Variants in ZNF83 observed in about 807,000 individuals in gnomAD.
ZNF83 encodes the protein zinc finger protein 816B.
For synonymous variants in ZNF83, 209 were observed against 213.0 expected (o/e 0.98, Z 0.17); for missense variants, 552 against 629.9 (o/e 0.88, Z 1.32).
exon 3 of ZNF83, chr19:52,614,738 C>T (rs1484336514): frequency 7.6e-7 from 1 of 1,317,820 alleles, no homozygotes; most frequent in African/African-American, 1.5e-5. Context: ...TGGAATATTT[C>T]TCCTGTATTA....
intron 3 of ZNF83, among the ~76,000 whole-genome samples, chr19:52,648,377 G>A (rs1392966329): frequency 2.0e-5 from 3 of 151,298 alleles, no homozygotes; most frequent in African/African-American, 7.3e-5. Flanking sequence ...AAAGTTATAA[G>A]ATAACGCTGT....
chr19:52,648,938 C>T (rs1229075383), intron 3 of ZNF83, among the ~76,000 whole-genome samples: 1 of 152,150 alleles, frequency 6.6e-6, no homozygotes, highest in Non-Finnish European at 1.5e-5. Flanking sequence ...CTACCTCCAC[C>T]TCCACCCTCT....
intron 3 of ZNF83, among the ~76,000 whole-genome samples, chr19:52,648,548 TTA>T (rs2061403739): frequency 6.6e-6 from 1 of 152,206 alleles, no homozygotes; most frequent in Non-Finnish European, 1.5e-5. Flanking sequence ...ATGTCTGTAT[TTA>T]GCCAGTTCTT....
chr19:52,623,212 G>A (rs998107963), intron 2 of ZNF83, among the ~76,000 whole-genome samples: 2 of 152,210 alleles, frequency 1.3e-5, no homozygotes, highest in African/African-American at 4.8e-5. Context: ...CGGCTTAGCA[G>A]CTGAAGACTG....
At chr19:52,632,180 C>T (rs943958670) in intron 2 of ZNF83, among the ~76,000 whole-genome samples, 1 of 152,164 alleles carries the variant, frequency 6.6e-6, no homozygotes, top group African/African-American at 2.4e-5. Flanking sequence ...TGACAGCAGA[C>T]CAGACTTTAT....
chr19:52,619,605 AAC>A (rs1363317526), intron 2 of ZNF83, among the ~76,000 whole-genome samples: 1 of 151,860 alleles, frequency 6.6e-6, no homozygotes, highest in East Asian at 1.9e-4. Context: ...CAACCTGGGC[AAC>A]AGAGTGAGAC....
intron 2 of ZNF83, among the ~76,000 whole-genome samples, chr19:52,633,730 G>C (rs62118518): frequency 0.19 from 29,207 of 150,030 alleles, 2,903 homozygotes; most frequent in Middle Eastern, 0.26. Context: ...GGCCAACATG[G>C]AGAAACCTCA....
At chr19:52,648,171 T>C (rs1427337300) in intron 3 of ZNF83, among the ~76,000 whole-genome samples, 9 of 151,910 alleles carry the variant, frequency 5.9e-5, no homozygotes, top group Non-Finnish European at 1.0e-4. Context: ...TTTTTCACTT[T>C]TGTCACCTCT....
chr19:52,623,976 T>C (rs1384930869), intron 2 of ZNF83, among the ~76,000 whole-genome samples: 1 of 152,108 alleles, frequency 6.6e-6, no homozygotes, highest in Non-Finnish European at 1.5e-5. Flanking sequence ...CCATTCTTGA[T>C]CTTAAACATG....
intron 1 of ZNF83, among the ~76,000 whole-genome samples, chr19:52,676,214 C>A (rs1419000280): frequency 6.6e-6 from 1 of 152,190 alleles, no homozygotes; most frequent in Non-Finnish European, 1.5e-5. Flanking sequence ...AGCTCCTAAC[C>A]GTGAGTGATC....
intron 3 of ZNF83, among the ~76,000 whole-genome samples, chr19:52,653,824 T>G (rs1245653055): frequency 6.6e-6 from 1 of 152,230 alleles, no homozygotes; most frequent in Non-Finnish European, 1.5e-5. Flanking sequence ...TTTATATTGT[T>G]TCTCTCCTGA....
At chr19:52,685,995 C>G (rs1416488149) in intron 1 of ZNF83, among the ~76,000 whole-genome samples, 1 of 151,874 alleles carries the variant, frequency 6.6e-6, no homozygotes, top group Admixed American at 6.6e-5. Flanking sequence ...TCCAAACGCA[C>G]CAGAGGGCCT....
chr19:52,677,137 A>AAG (rs1568579963), intron 1 of ZNF83, among the ~76,000 whole-genome samples: 4 of 6,348 alleles, frequency 6.3e-4, no homozygotes, highest in African/African-American at 4.9e-3. Flanking sequence ...AAAAAAAAAG[A>AAG]AAAAAAGAAA....
chr19:52,621,783 T>C (rs1045341657), intron 2 of ZNF83, among the ~76,000 whole-genome samples: 6 of 152,212 alleles, frequency 3.9e-5, no homozygotes, highest in African/African-American at 1.4e-4. Context: ...ACAAACTTGA[T>C]AATGGCTCTA....
At chr19:52,677,124 TA>T (rs1167770624) in intron 1 of ZNF83, among the ~76,000 whole-genome samples, 5 of 135,548 alleles carry the variant, frequency 3.7e-5, no homozygotes, top group South Asian at 2.3e-4. Flanking sequence ...AATGATCAAT[TA>T]AAAAAAAAAA....
intron 1 of ZNF83, among the ~76,000 whole-genome samples, chr19:52,672,648 G>C (rs1286110331): frequency 2.0e-5 from 3 of 152,172 alleles, no homozygotes; most frequent in Non-Finnish European, 4.4e-5. Context: ...TGCCTAGGCT[G>C]GGGTGCAATG....
At chr19:52,653,975 T>A in intron 3 of ZNF83, 1 of 1,371,350 alleles carries the variant, frequency 7.3e-7, no homozygotes, top group Non-Finnish European at 1.0e-6. Flanking sequence ...TTCCCATACC[T>A]ATTAGAAATA....
rs554373050 is a variant in ZNF83 at position 52,669,459 on chromosome 19, G to A, written c.-282-8616C>T. On this transcript the variant is annotated intron_variant, in intron 1 of 5. Coordinates refer to the ZNF83 transcript ENST00000594682. ...TAGAGATGCTGTTAAAGGAATAGCT[G>A]AGCAATTAGGGGCTACCAGCCAGAT... Among the ~76,000 whole-genome samples, 3 of 152,274 alleles carry A rather than the reference G, an allele frequency of 2.0e-5. No individual in the cohort carries two copies. The East Asian group carries it at 5.8e-4, about 29-fold the overall frequency.
At chr19:52,629,188 G>T (rs144612097) in intron 2 of ZNF83, among the ~76,000 whole-genome samples, 3 of 152,240 alleles carry the variant, frequency 2.0e-5, no homozygotes, top group Non-Finnish European at 4.4e-5. Context: ...CAAATAGCCA[G>T]AAAACAGCAC....
Sources: allele counts gnomAD v4.1 joint callset (sites outside exome capture counted in the v4.1 genomes callset), GRCh38; gene constraint gnomAD v4.1.1; transcripts MANE v1.5; gene names NCBI Gene and HGNC (gene_info 2026-07-23, HGNC 2026-07-21).